The following GRIA2 variants were observed in gnomAD, a reference collection of about 807,000 sequenced individuals.
GRIA2 encodes glutamate ionotropic receptor AMPA type subunit 2.
In GRIA2, 14 loss-of-function variants were observed where a neutral mutation model predicts 97.3. That is an observed-to-expected ratio of 0.14 (90% CI 0.10 to 0.23). GRIA2 has a LOEUF of 0.23. GRIA2 is among the 10% of genes least tolerant of loss of function. The pLI is 1.00. For missense variants in GRIA2, 558 were observed against 1,069.8 expected (o/e 0.52, Z 6.67); for synonymous variants, 412 against 387.8 (o/e 1.06, Z -0.73).
At chr4:157,260,145 T>C (rs993532412) in intron 2 of GRIA2, among the ~76,000 whole-genome samples, 1 of 152,144 alleles carries the variant, frequency 6.6e-6, no homozygotes, top group Non-Finnish European at 1.5e-5. Context: ...AAGTGATCTG[T>C]GACTTTCCAT....
intron 2 of GRIA2, among the ~76,000 whole-genome samples, chr4:157,281,639 T>C (rs566947552): frequency 6.6e-6 from 1 of 152,014 alleles, no homozygotes; most frequent in South Asian, 2.1e-4. Flanking sequence ...GTAAAATATA[T>C]TTTGTAAAAC....
intron 2 of GRIA2, among the ~76,000 whole-genome samples, chr4:157,275,782 T>C (rs183569370): frequency 6.6e-6 from 1 of 152,046 alleles, no homozygotes; most frequent in Non-Finnish European, 1.5e-5. Flanking sequence ...CCTTGTAGTA[T>C]AGTTTGAAGT....
Position 157,321,483 on chromosome 4 carries a change from A to G in GRIA2, c.766A>G (p.Asn256Asp). The G allele has an allele frequency of 1.9e-6, 3 of 1,609,976 alleles. No individual in the cohort carries two copies. Among genetic ancestry groups the G allele is most frequent in the Non-Finnish European group, 2.6e-6 (3 of 1,176,434 alleles). ...DLLKIQFGGA[N>D]VSGFQIVDYD... ...ATTAAAAATCCAGTTTGGAGGTGCA[A>G]ATGTCTCTGGATTTCAGATAGTGGA... The change falls in exon 6 of 16, where the codon AAT becomes GAT. Residue 256 changes from asparagine to aspartate, a missense_variant. Physicochemically the swap from Asn to Asp is conservative, Grantham distance 23. This residue lies in a region of GRIA2 where 173 missense variants were observed against 209.1 expected (regional missense o/e 0.83). Coordinates refer to ENST00000264426, the MANE Select transcript of GRIA2 (RefSeq NM_001083619.3).
At chr4:157,289,369 T>TA (rs1427710062) in intron 2 of GRIA2, among the ~76,000 whole-genome samples, 9 of 151,956 alleles carry the variant, frequency 5.9e-5, no homozygotes, top group South Asian at 4.1e-4. Flanking sequence ...TTATGAAATT[T>TA]AAAAAACATG....
At chr4:157,316,777 T>C (rs747064214) in intron 4 of GRIA2, among the ~76,000 whole-genome samples, 73 of 152,214 alleles carry the variant, frequency 4.8e-4, no homozygotes, top group Non-Finnish European at 9.0e-4. Flanking sequence ...TTTTTGTCTA[T>C]AGCCTTAACA....
intron 6 of GRIA2, among the ~76,000 whole-genome samples, chr4:157,326,115 T>A (rs1399421317): frequency 6.6e-6 from 1 of 152,134 alleles, no homozygotes. Flanking sequence ...TCAACCAACC[T>A]AAGCAACTTC....
At chr4:157,338,008 G>GTGTA (rs1258096935) in intron 11 of GRIA2, among the ~76,000 whole-genome samples, 10 of 79,322 alleles carry the variant, frequency 1.3e-4, no homozygotes, top group African/African-American at 4.5e-4. Flanking sequence ...ATATATATGT[G>GTGTA]TATATATATA....
chr4:157,220,379 G>C (rs970845501), upstream of GRIA2: 3 of 152,230 alleles, frequency 2.0e-5, no homozygotes, highest in Non-Finnish European at 2.9e-5. Flanking sequence ...AGCTCCGGGC[G>C]GGGAGCGAGG....
intron 2 of GRIA2, among the ~76,000 whole-genome samples, chr4:157,248,657 G>A (rs1394896746): frequency 1.4e-4 from 12 of 87,554 alleles, no homozygotes; most frequent in South Asian, 1.1e-3. Context: ...ATATACATAC[G>A]TATATATTTA....
In GRIA2 at chr4:157,303,646, C is replaced by T. The variant is rs753466564; in HGVS notation, c.324C>T (p.His108=). The T allele has an allele frequency of 2.4e-5, 39 of 1,613,924 alleles. 2 individuals carry two copies. In the East Asian group the frequency reaches 6.5e-4, roughly 27 times the overall value. ...NTITSFCGTL[H]VSFITPSFPT... ...TCACATCATTTTGCGGAACACTCCACGTCTCCTTCATCACTCCCAGCTTCC... is the reference window on the plus strand; with the variant it reads ...TCACATCATTTTGCGGAACACTCCATGTCTCCTTCATCACTCCCAGCTTCC... Residue 108 remains histidine (H), a synonymous_variant, in exon 3 of 16, where the codon CAC becomes CAT. Transcript: ENST00000264426.
At chr4:157,335,390 C>G (rs988949688) in intron 9 of GRIA2, 13 of 412,776 alleles carry the variant, frequency 3.1e-5, no homozygotes, top group African/African-American at 2.6e-4. Flanking sequence ...CAGTGACAAA[C>G]ATGGCTAGAG....
At chr4:157,348,183 G>C (rs1735845305) in intron 12 of GRIA2, among the ~76,000 whole-genome samples, 1 of 152,010 alleles carries the variant, frequency 6.6e-6, no homozygotes, top group South Asian at 2.1e-4. Context: ...ATTTTGCTCT[G>C]ACTCCTACTA....
In GRIA2 at chr4:157,328,013, G is replaced by A. The variant is rs376848671; in HGVS notation, c.883-4806G>A. Among the ~76,000 whole-genome samples the A allele has an allele frequency of 1.9e-4, 29 of 152,084 alleles. No individual in the cohort carries two copies. The South Asian group carries it at 6.0e-3, about 32-fold the overall frequency. On this transcript the variant is annotated intron_variant, in intron 6 of 15. Transcript: ENST00000264426. ...ACAGCATTTTGCCCAACACAACCTG[G>A]AAGTTTGAAATTTGACATATTAATT...
chr4:157,237,607 C>G (rs1267060350), intron 2 of GRIA2, among the ~76,000 whole-genome samples: 1 of 151,978 alleles, frequency 6.6e-6, no homozygotes, highest in African/African-American at 2.4e-5. Context: ...TAAATAATTC[C>G]TCAAGGAGTT....
intron 2 of GRIA2, among the ~76,000 whole-genome samples, chr4:157,275,998 A>G (rs1452736944): frequency 6.6e-6 from 1 of 152,180 alleles, no homozygotes; most frequent in Non-Finnish European, 1.5e-5. Context: ...ACCCATGAGC[A>G]TGGAATGTTC....
intron 4 of GRIA2, among the ~76,000 whole-genome samples, chr4:157,316,197 A>G (rs1024884567): frequency 6.6e-6 from 1 of 152,194 alleles, no homozygotes; most frequent in Non-Finnish European, 1.5e-5. Context: ...TAGGAGGGAC[A>G]TAATCAATCT....
intron 2 of GRIA2, among the ~76,000 whole-genome samples, chr4:157,260,460 A>G (rs1018130931): frequency 1.3e-5 from 2 of 152,122 alleles, no homozygotes; most frequent in East Asian, 1.9e-4. Flanking sequence ...TGTCCCTTTC[A>G]GCATGATCAA....
chr4:157,270,925 G>GTTT (rs112137551), intron 2 of GRIA2, among the ~76,000 whole-genome samples: 42 of 145,190 alleles, frequency 2.9e-4, no homozygotes, highest in Admixed American at 6.2e-4. Flanking sequence ...ACTACAATTT[G>GTTT]TTTTTTTTTT....
intron 2 of GRIA2, among the ~76,000 whole-genome samples, chr4:157,265,292 T>C (rs936672371): frequency 1.3e-5 from 2 of 152,156 alleles, no homozygotes; most frequent in African/African-American, 4.8e-5. Context: ...TGTAGTCTAC[T>C]CTTACATAAC....
Sources: gnomAD v4.1 joint callset for allele counts (sites outside exome capture counted in the v4.1 genomes callset) on GRCh38, gnomAD v4.1.1 for gene constraint, gnomAD v4.1.1 regional missense constraint, MANE v1.5 for transcripts, NCBI Gene and HGNC (gene_info 2026-07-23, HGNC 2026-07-21) for gene names.